The following SEC63 variants were observed in gnomAD, a reference collection of about 807,000 sequenced individuals.
SEC63 encodes SEC63 protein translocation regulator.
A neutral mutation model predicts 116.2 loss-of-function variants in SEC63; 56 were observed. The observed-to-expected ratio is 0.48, with a 90% confidence interval of 0.39 to 0.60. The LOEUF (loss-of-function observed/expected upper bound fraction) is 0.60, where lower values mean the gene tolerates loss of function less well. Among genes scored for constraint, SEC63 ranks in the 20% least tolerant of loss-of-function variants. The probability of loss-of-function intolerance (pLI) is 0.00; values close to 1 mark genes in which losing one functional copy is unlikely to be tolerated. For missense variants in SEC63, 668 were observed against 900.0 expected (o/e 0.74, Z 3.30); for synonymous variants, 273 against 294.6 (o/e 0.93, Z 0.75).
At position 107,957,990 on chromosome 6, in the gene SEC63, TG is replaced by T; in HGVS notation, c.19del (p.Gln7SerfsTer21). 6.2e-7 allele frequency: 1 copy of T among 1,613,410 alleles called. No homozygotes were observed. Among genetic ancestry groups the T allele is most frequent in the Non-Finnish European group, 8.5e-7 (1 of 1,179,558 alleles). ...GAAGGTGTTCCCACTGTCATCGTAC[TG>T]GAACTGCTGCCCGGCCATGGCACCC... MAGQQF[Q>X]YDDSGNTFFY... is the part of the protein sequence containing the mutation. On this transcript the variant is annotated frameshift_variant, in exon 1 of 21. Transcript: ENST00000369002. LOFTEE classifies it high-confidence loss of function.
chr6:107,940,534 C>T (rs546138746), intron 1 of SEC63, among the ~76,000 whole-genome samples: 12 of 152,142 alleles, frequency 7.9e-5, no homozygotes, highest in African/African-American at 2.4e-4. Context: ...CCAGGAACAG[C>T]TCCCCAGTGG....
rs548058925 is a variant in SEC63 at position 107,872,265 on chromosome 6, C to G, written c.2140-418G>C. On this transcript the variant is annotated intron_variant, in intron 20 of 20. Coordinates refer to ENST00000369002, the MANE Select transcript of SEC63 (RefSeq NM_007214.5). ...ACAGTTAATAAAAGAAATATGGAAC[C>G]CTCATGGAACAAAAAAGAGGTTCGC... Among the ~76,000 whole-genome samples, 21 of 152,116 alleles carry G rather than the reference C, an allele frequency of 1.4e-4. No individual in the cohort carries two copies. The South Asian group carries it at 3.7e-3, about 27-fold the overall frequency.
intron 4 of SEC63, among the ~76,000 whole-genome samples, chr6:107,918,904 C>CTT (rs1164457296): frequency 1.1e-3 from 61 of 54,736 alleles, no homozygotes; most frequent in East Asian, 2.8e-3. Flanking sequence ...AGCTGATTTC[C>CTT]TTTTTTTTTT....
At chr6:107,880,740 G>A (rs1786395818) in intron 18 of SEC63, among the ~76,000 whole-genome samples, 1 of 152,176 alleles carries the variant, frequency 6.6e-6, no homozygotes, top group Non-Finnish European at 1.5e-5. Context: ...AGGATCCTCA[G>A]AGAGAAAATT....
intron 1 of SEC63, among the ~76,000 whole-genome samples, chr6:107,939,249 G>C (rs927051542): frequency 4.6e-5 from 7 of 152,040 alleles, no homozygotes; most frequent in South Asian, 2.1e-4. Flanking sequence ...CATCACTGCA[G>C]TTCAGCCTGG....
intron 4 of SEC63, 114 bp downstream of exon 4, chr6:107,921,683 C>T: frequency 1.3e-6 from 1 of 755,040 alleles, no homozygotes; most frequent in Non-Finnish European, 2.4e-6. Flanking sequence ...AACTCCTGGG[C>T]TCAAGCGATC....
At chr6:107,931,988 C>A (rs1208579224) in intron 1 of SEC63, 1 of 153,564 alleles carries the variant, frequency 6.5e-6, no homozygotes, top group African/African-American at 2.4e-5. Flanking sequence ...AGGAAGAACA[C>A]CCCCACAAAA....
chr6:107,952,526 G>A (rs947293857), intron 1 of SEC63, among the ~76,000 whole-genome samples: 8 of 152,198 alleles, frequency 5.3e-5, no homozygotes, highest in Non-Finnish European at 8.8e-5. Context: ...GGGAGGCCGA[G>A]GTGGGCAGAT....
chr6:107,886,444 A>G (rs924873091), intron 16 of SEC63, among the ~76,000 whole-genome samples: 31 of 152,328 alleles, frequency 2.0e-4, no homozygotes, highest in African/African-American at 7.2e-4. Context: ...TGACTTCCAC[A>G]AGGGTTGAAC....
chr6:107,904,791 C>T (rs1255506195), intron 10 of SEC63, 70 bp from the exon 11 acceptor site: 1 of 1,100,746 alleles, frequency 9.1e-7, no homozygotes, highest in East Asian at 2.4e-5. Flanking sequence ...ATCACTGTGG[C>T]CCAAAACTAA....
intron 19 of SEC63, 135 bp from the exon 20 acceptor site, chr6:107,873,047 T>C: frequency 1.5e-6 from 1 of 673,160 alleles, no homozygotes; most frequent in East Asian, 2.8e-5. Flanking sequence ...TAAATGTTAC[T>C]AAAGTCCTTA....
chr6:107,920,096 T>C (rs1787518973), intron 4 of SEC63, among the ~76,000 whole-genome samples: 1 of 152,016 alleles, frequency 6.6e-6, no homozygotes, highest in African/African-American at 2.4e-5. Context: ...AGCCATACAG[T>C]ATTTTTAAAT....
At chr6:107,912,906 T>G (rs1282025409) in intron 5 of SEC63, 132 bp from the exon 6 acceptor site, 11 of 736,424 alleles carry the variant, frequency 1.5e-5, no homozygotes, top group Non-Finnish European at 2.6e-5. Flanking sequence ...TTGAGAAAGA[T>G]TATCTTATTA....
rs592939 is a variant in SEC63 at position 107,868,311 on chromosome 6, G to A, written c.*3393C>T. The A allele has an allele frequency of 0.96, 145,446 of 152,062 alleles. 69,711 individuals carry two copies. Among genetic ancestry groups the A allele is most frequent in the Middle Eastern group, 0.99 (291 of 294 alleles). The allele number at this position is 152,062 out of a possible 1,614,324, so 9.4% of individuals were successfully genotyped here. On this transcript the variant is annotated 3_prime_UTR_variant, in exon 21 of 21. Coordinates refer to ENST00000369002, the MANE Select transcript of SEC63 (RefSeq NM_007214.5). ...AAAACCCAACAGGCTGGGCGCAGTG[G>A]CTCATGCCTGTAATGCCAGCACTTT...
In SEC63 at chr6:107,911,410, GA is replaced by G; in HGVS notation, c.574-15del. 1 of 1,573,888 alleles carries G rather than the reference GA, an allele frequency of 6.4e-7. No individual in the cohort carries two copies. The highest frequency in any genetic ancestry group is 8.7e-7 in the Non-Finnish European group (1 of 1,143,886). ...TACAAGTAAAACCTAAAATTGAAGA[GA>G]AAAAGAATTATGGCCTTCGTCAGGT... On this transcript the variant is annotated splice_polypyrimidine_tract_variant and intron_variant, in intron 6 of 20. Transcript: ENST00000369002.
chr6:107,874,749 C>T (rs1388928643), intron 19 of SEC63, among the ~76,000 whole-genome samples: 2 of 152,084 alleles, frequency 1.3e-5, no homozygotes, highest in African/African-American at 4.8e-5. Flanking sequence ...GATCATGGCT[C>T]ATTGCAGCTT....
At chr6:107,912,625 G>A (rs1787307495) in intron 6 of SEC63, 91 bp downstream of exon 6, 1 of 774,448 alleles carries the variant, frequency 1.3e-6, no homozygotes, top group Non-Finnish European at 2.3e-6. Context: ...TATTTTCTTT[G>A]TAATAGTTCT....
chr6:107,930,170 A>ATTATTTT (rs1787766361), intron 1 of SEC63: 1 of 62,532 alleles, frequency 1.6e-5, no homozygotes, highest in East Asian at 4.3e-4. Flanking sequence ...TTTGCAAAGT[A>ATTATTTT]TTCTTTTTTT....
At chr6:107,944,965 C>T (rs1187439848) in intron 1 of SEC63, among the ~76,000 whole-genome samples, 8 of 184 alleles carry the variant, frequency 0.043, 4 homozygotes. Context: ...TTTGGGAGGC[C>T]GAGGCGGGCG....
Sources: gnomAD v4.1 joint callset for allele counts (sites outside exome capture counted in the v4.1 genomes callset) on GRCh38, gnomAD v4.1.1 for gene constraint, MANE v1.5 for transcripts, NCBI Gene and HGNC (gene_info 2026-07-23, HGNC 2026-07-21) for gene names.